PCDHA11: variants seen among roughly 807,000 people sequenced by gnomAD.
The protein encoded by PCDHA11 is protocadherin alpha 11, also known as protocadherin alpha-11.
A neutral mutation model predicts 70.3 loss-of-function variants in PCDHA11; 61 were observed. That is an observed-to-expected ratio of 0.87 (90% confidence interval 0.71 to 1.07). PCDHA11 has a LOEUF of 1.07. Among genes scored for constraint, PCDHA11 ranks in the 50% least tolerant of loss-of-function variants. PCDHA11 has a pLI of 0.00. For synonymous variants in PCDHA11, 633 were observed against 555.1 expected (o/e 1.14, Z -1.97); for missense variants, 1,324 against 1,237.5 (o/e 1.07, Z -1.05).
chr5:140,875,521 T>C (rs2055562442), intron 1 of PCDHA11: 2 of 1,614,014 alleles, frequency 1.2e-6, no homozygotes, highest in Non-Finnish European at 1.7e-6. Flanking sequence ...TCTGCTGCTC[T>C]CGCTTCTGCT....
At chr5:140,965,128 A>G (rs2095876420) in intron 1 of PCDHA11, among the ~76,000 whole-genome samples, 1 of 152,244 alleles carries the variant, frequency 6.6e-6, no homozygotes, top group African/African-American at 2.4e-5. Flanking sequence ...AGATCTACAG[A>G]TGACAGAATA....
At chr5:140,987,316 G>A (rs13153056) in intron 3 of PCDHA11, among the ~76,000 whole-genome samples, 9,624 of 152,218 alleles carry the variant, frequency 0.063, 338 homozygotes, top group East Asian at 0.12. Flanking sequence ...AATGTACTGT[G>A]AAGTTTTAAG....
At chr5:140,937,039 CTT>C (rs34994034) in intron 1 of PCDHA11, among the ~76,000 whole-genome samples, 9 of 140,130 alleles carry the variant, frequency 6.4e-5, no homozygotes, top group Admixed American at 7.1e-5. Context: ...TTCCATTTAT[CTT>C]TTTTTTTTTT....
intron 1 of PCDHA11, chr5:140,876,487 G>A (rs782413739): frequency 4.3e-6 from 7 of 1,613,904 alleles, no homozygotes; most frequent in Non-Finnish European, 5.9e-6. Flanking sequence ...GGTCCTGGTG[G>A]AAGTTCTGGA....
At chr5:140,988,756 A>G (rs577332845) in intron 3 of PCDHA11, among the ~76,000 whole-genome samples, 170 of 152,318 alleles carry the variant, frequency 1.1e-3, no homozygotes, top group African/African-American at 4.0e-3. Flanking sequence ...TGGCCTGGGC[A>G]GAATACAGTC....
intron 1 of PCDHA11, among the ~76,000 whole-genome samples, chr5:140,899,821 C>G (rs1286169760): frequency 1.3e-5 from 2 of 151,902 alleles, no homozygotes; most frequent in African/African-American, 4.8e-5. Flanking sequence ...TTTGTTTTTC[C>G]TTTTTGAGAC....
At chr5:140,977,023 G>T (rs1554238168) in intron 1 of PCDHA11, among the ~76,000 whole-genome samples, 1 of 152,148 alleles carries the variant, frequency 6.6e-6, no homozygotes, top group Non-Finnish European at 1.5e-5. Flanking sequence ...TCTGTCAAAT[G>T]AATCTAAGAA....
chr5:141,008,786 T>C (rs2098390952), intron 3 of PCDHA11, among the ~76,000 whole-genome samples: 1 of 152,212 alleles, frequency 6.6e-6, no homozygotes, highest in South Asian at 2.1e-4. Context: ...TGGCTCCCAG[T>C]GTTTTATCTA....
intron 1 of PCDHA11, among the ~76,000 whole-genome samples, chr5:140,888,454 A>G (rs1167294283): frequency 6.6e-6 from 1 of 152,234 alleles, no homozygotes; most frequent in Non-Finnish European, 1.5e-5. Context: ...ATAAAGAATT[A>G]GCTCAAAATG....
rs1554164263 is a variant in PCDHA11, at chr5:140,870,437, C to T, written c.1334C>T (p.Ala445Val). ...ACGGCCAGGGTATCCGTGGAGGTGG[C>T]CGACGTGAACGACAATGCGCCTGCG... ...WATARVSVEV[A>V]DVNDNAPAFA... The change falls in exon 1 of 4, where the codon GCC (alanine) becomes GTC (valine). Residue 445 changes from alanine (A) to valine (V), a missense_variant. By Grantham distance (64) the Ala-to-Val change is moderately conservative (BLOSUM62 0). Transcript: ENST00000398640. 3.1e-6 allele frequency: 5 copies of T among 1,614,210 alleles called. No homozygotes were observed. In the East Asian group the frequency reaches 1.1e-4, roughly 36 times the overall value.
rs1291817814 is a variant in PCDHA11 at position 140,869,465 on chromosome 5, T to G, written c.362T>G (p.Val121Gly). 4.3e-6 allele frequency: 7 copies of G among 1,614,026 alleles called. No homozygotes were observed. The highest frequency in any genetic ancestry group is 5.9e-6 in the Non-Finnish European group (7 of 1,179,986). Residue 121 changes from valine to glycine, a missense_variant, in exon 1 of 4, where the codon GTG (valine) becomes GGG (glycine). By Grantham distance (109) the Val-to-Gly change is moderately radical. Coordinates refer to ENST00000398640, the MANE Select transcript of PCDHA11 (RefSeq NM_018902.5). The part of the protein sequence containing the change: ...DRPLQVFHVN[V>G]EVKDINDNPP... Reference sequence around the variant, plus strand: ...CCGCTGCAGGTTTTCCATGTGAACGTGGAGGTGAAGGACATTAACGACAAC... The same window carrying G: ...CCGCTGCAGGTTTTCCATGTGAACGGGGAGGTGAAGGACATTAACGACAAC...
intron 1 of PCDHA11, chr5:140,929,146 CAG>C (rs782305171): frequency 6.2e-7 from 1 of 1,614,180 alleles, no homozygotes; most frequent in Non-Finnish European, 8.5e-7. Flanking sequence ...GAGACTTTCT[CAG>C]ACTTATCTCT....
rs1554169144 is a variant in PCDHA11, at chr5:140,876,947, A to T, written c.2391+5453A>T. On this transcript the variant is annotated intron_variant, in intron 1 of 3. Transcript: ENST00000398640. ...GCGCAGAAGAACGCGCTGGTGTCCT[A>T]CTCGCTGGTGGAGCGGCGGGTGGGC... 1 of 1,613,496 alleles carries T rather than the reference A, an allele frequency of 6.2e-7. No homozygotes were observed. The highest frequency in any genetic ancestry group is 8.5e-7 in the Non-Finnish European group (1 of 1,179,858).
Position 141,010,819 on chromosome 5 carries a change from TG to T in PCDHA11, c.*883del, listed in dbSNP as rs2098418471. ...AAAACCCCGACACCTCACCTTTCGCTGTTTGTTGTTTCATAGATTTATTTAA... is the reference window on the plus strand; with the variant it reads ...AAAACCCCGACACCTCACCTTTCGCTTTTGTTGTTTCATAGATTTATTTAA... On this transcript the variant is annotated 3_prime_UTR_variant, in exon 4 of 4. Coordinates refer to ENST00000398640, the MANE Select transcript of PCDHA11 (RefSeq NM_018902.5). The T allele has an allele frequency of 6.5e-6, 1 of 153,784 alleles. No individual in the cohort carries two copies. The highest frequency in any genetic ancestry group is 2.1e-4 in the South Asian group (1 of 4,838). 9.5% of individuals were successfully genotyped at this position (153,784 alleles called of 1,614,324 possible).
At chr5:140,872,883 A>G (rs1249618014) in intron 1 of PCDHA11, among the ~76,000 whole-genome samples, 1 of 152,204 alleles carries the variant, frequency 6.6e-6, no homozygotes, top group Non-Finnish European at 1.5e-5. Flanking sequence ...AGTTTCATTC[A>G]TCTCACTTTG....
At chr5:140,966,900 G>A (rs376213042) in intron 1 of PCDHA11, 1 of 1,598,684 alleles carries the variant, frequency 6.3e-7, no homozygotes, top group Non-Finnish European at 8.5e-7. Flanking sequence ...TCCCAGCTGC[G>A]ATACTCTGTG....
chr5:140,870,315 C>T lies in PCDHA11; in HGVS notation c.1212C>T (p.Tyr404=). Residue 404 remains tyrosine (Y), a synonymous_variant, in exon 1 of 4, where the codon TAC becomes TAT. Coordinates refer to ENST00000398640, the MANE Select transcript of PCDHA11 (RefSeq NM_018902.5). The part of the protein sequence containing the change: ...FKLVSTFKNY[Y]SLVLDSALDR... ...TGGTGTCCACCTTCAAGAATTACTA[C>T]TCGTTGGTGCTGGACAGCGCCCTGG... 6.2e-7 allele frequency: 1 copy of T among 1,614,234 alleles called. No homozygotes were observed. Among genetic ancestry groups the T allele is most frequent in the Non-Finnish European group, 8.5e-7 (1 of 1,180,038 alleles).
At position 140,871,060 on chromosome 5, in the gene PCDHA11, C is replaced by T. The variant is rs782751973; in HGVS notation, c.1957C>T (p.His653Tyr). 4 of 1,613,210 alleles carry T rather than the reference C, an allele frequency of 2.5e-6. No homozygotes were observed. Among genetic ancestry groups the T allele is most frequent in the Non-Finnish European group, 3.4e-6 (4 of 1,179,848 alleles). Residue 653 changes from histidine to tyrosine, a missense_variant, in exon 1 of 4, where the codon CAC (histidine) becomes TAC (tyrosine). Coordinates refer to ENST00000398640, the MANE Select transcript of PCDHA11 (RefSeq NM_018902.5). ...CCGACTTCTAGTACTGGTGAAGGAT[C>T]ACGGTGAGCCGGCGCTGACGGCCAC... ...RHRLLVLVKD[H>Y]GEPALTATAT...
At chr5:140,958,586 T>A (rs561856247) in intron 1 of PCDHA11, among the ~76,000 whole-genome samples, 11 of 152,266 alleles carry the variant, frequency 7.2e-5, no homozygotes, top group African/African-American at 2.6e-4. Flanking sequence ...TAAATGAGCT[T>A]ATGATAATTG....
Sources: allele counts gnomAD v4.1 joint callset (sites outside exome capture counted in the v4.1 genomes callset), GRCh38; gene constraint gnomAD v4.1.1; transcripts MANE v1.5; gene names NCBI Gene and HGNC (gene_info 2026-07-23, HGNC 2026-07-21).